The following SLC8B1 variants were observed in gnomAD, a reference collection of about 807,000 sequenced individuals.
The protein encoded by SLC8B1 is mitochondrial sodium/calcium exchanger protein.
SLC8B1 carries 52 observed loss-of-function variants against 63.4 expected under a neutral mutation model. That is an observed-to-expected ratio of 0.82 (90% CI 0.66 to 1.03). The LOEUF (loss-of-function observed/expected upper bound fraction) is 1.03, where lower values mean the gene tolerates loss of function less well. Among genes scored for constraint, SLC8B1 ranks in the 50% least tolerant of loss-of-function variants. SLC8B1 has a pLI of 0.00. For synonymous variants in SLC8B1, 336 were observed against 323.9 expected (o/e 1.04, Z -0.40); for missense variants, 657 against 741.7 (o/e 0.89, Z 1.33).
At chr12:113,306,820 G>A (rs952837866) in intron 13 of SLC8B1, 7 of 539,196 alleles carry the variant, frequency 1.3e-5, no homozygotes, top group Admixed American at 3.1e-5. Flanking sequence ...TGTGAAAAAC[G>A]CGGCTACCAG....
At chr12:113,319,944 C>G (rs1566238003) in intron 7 of SLC8B1, 2 of 191,810 alleles carry the variant, frequency 1.0e-5, no homozygotes, top group South Asian at 1.9e-4. Flanking sequence ...AATGCACCAC[C>G]ACCATGCCCA....
chr12:113,316,225 CAA>C (rs565941837), intron 10 of SLC8B1, among the ~76,000 whole-genome samples: 14 of 130,834 alleles, frequency 1.1e-4, no homozygotes, highest in Non-Finnish European at 1.0e-4. Flanking sequence ...AACTCTGTCT[CAA>C]AAAAAAAAAA....
chr12:113,322,050 T>G (rs1295475578), intron 2 of SLC8B1, among the ~76,000 whole-genome samples: 1 of 151,644 alleles, frequency 6.6e-6, no homozygotes, highest in Non-Finnish European at 1.5e-5. Flanking sequence ...AATAAAAAAT[T>G]AGGTAGGCAT....
intron 15 of SLC8B1, among the ~76,000 whole-genome samples, chr12:113,300,635 C>G (rs1036121357): frequency 6.6e-6 from 1 of 152,224 alleles, no homozygotes; most frequent in Non-Finnish European, 1.5e-5. Context: ...GTTACCCAGA[C>G]GTGGCCCCAG....
At chr12:113,316,760 A>G in intron 9 of SLC8B1, 104 bp from the exon 10 acceptor site, 1 of 1,547,492 alleles carries the variant, frequency 6.5e-7, no homozygotes. Flanking sequence ...AAAGGAGGAG[A>G]CAAAGCCCAG....
chr12:113,311,933 G>T (rs1566230123), intron 11 of SLC8B1, among the ~76,000 whole-genome samples: 1 of 151,924 alleles, frequency 6.6e-6, no homozygotes, highest in Admixed American at 6.6e-5. Context: ...CAGACACCTG[G>T]GCTGGAAGTC....
intron 14 of SLC8B1, among the ~76,000 whole-genome samples, chr12:113,306,127 A>T (rs965895954): frequency 6.7e-6 from 1 of 148,518 alleles, no homozygotes; most frequent in African/African-American, 2.5e-5. Context: ...AAAGTCTGCC[A>T]ACCCTAACAT....
rs986405642 is a variant in SLC8B1 at position 113,317,127 on chromosome 12, T to A, written c.803-126A>T. 21 of 812,638 alleles carry A rather than the reference T, an allele frequency of 2.6e-5. No homozygotes were observed. In the African/African-American group the frequency reaches 3.5e-4, roughly 14 times the overall value. The allele number at this position is 812,638 out of a possible 1,614,324, so 50.3% of individuals were successfully genotyped here. ...ATTTACTTAGTTATTTGGGACAGGA[T>A]CTTTCTCTGTCACCCAGGCTGGAGT... On this transcript the variant is annotated intron_variant, in intron 8 of 15. Transcript: ENST00000680972.
chr12:113,313,670 T>G (rs543213411), intron 11 of SLC8B1, among the ~76,000 whole-genome samples: 1 of 150,376 alleles, frequency 6.6e-6, no homozygotes, highest in East Asian at 2.0e-4. Context: ...ACCCTAGAGG[T>G]GGAGGTTGCA....
intron 2 of SLC8B1, among the ~76,000 whole-genome samples, chr12:113,324,552 G>T (rs1391892973): frequency 6.7e-6 from 1 of 149,504 alleles, no homozygotes; most frequent in Non-Finnish European, 1.5e-5. Flanking sequence ...GACTACAGGT[G>T]CCCACCGACA....
intron 10 of SLC8B1, among the ~76,000 whole-genome samples, chr12:113,316,047 A>G (rs1593248545): frequency 6.6e-6 from 1 of 151,968 alleles, no homozygotes; most frequent in Non-Finnish European, 1.5e-5. Flanking sequence ...ACACGGTGAA[A>G]CCCCGTCTCT....
intron 15 of SLC8B1, 89 bp downstream of exon 15, chr12:113,304,232 C>A: frequency 8.0e-7 from 1 of 1,255,558 alleles, no homozygotes; most frequent in South Asian, 1.2e-5. Context: ...AGTGATGGGA[C>A]CCAGATCCAA....
intron 15 of SLC8B1, 35 bp from the exon 16 acceptor site, chr12:113,300,009 T>C (rs770144873): frequency 1.3e-6 from 2 of 1,599,150 alleles, no homozygotes; most frequent in Admixed American, 1.7e-5. Flanking sequence ...GCTGAGTCAC[T>C]GCCCGTCACA....
intron 14 of SLC8B1, 146 bp downstream of exon 14, chr12:113,306,349 A>T: frequency 1.7e-6 from 1 of 583,200 alleles, no homozygotes; most frequent in Non-Finnish European, 2.9e-6. Flanking sequence ...TCCCTATTTT[A>T]AAGCCTTGGA....
chr12:113,312,714 G>A (rs1437362658), intron 11 of SLC8B1, among the ~76,000 whole-genome samples: 2 of 152,136 alleles, frequency 1.3e-5, no homozygotes, highest in Admixed American at 1.3e-4. Context: ...GCCATGTGGT[G>A]AAGATACTAC....
intron 2 of SLC8B1, among the ~76,000 whole-genome samples, chr12:113,327,706 G>A (rs1242353443): frequency 6.6e-6 from 1 of 150,918 alleles, no homozygotes; most frequent in African/African-American, 2.4e-5. Context: ...AAATAGGCTG[G>A]GCGCGGTGGG....
chr12:113,310,205 C>T lies in SLC8B1; in HGVS notation c.1257+29G>A, dbSNP rs187393591. ...GTGGGAGACATCAGCATCCCTCCCCCCCCATCTCGGAGAACCCGGGCTTCT... is the reference window on the plus strand; with the variant it reads ...GTGGGAGACATCAGCATCCCTCCCCTCCCATCTCGGAGAACCCGGGCTTCT... On this transcript the variant is annotated intron_variant, in intron 12 of 15. Transcript: ENST00000680972. 19 of 1,608,546 alleles carry T rather than the reference C, an allele frequency of 1.2e-5. 1 individual carries two copies. In the East Asian group the frequency reaches 2.9e-4, roughly 25 times the overall value.
chr12:113,318,245 TTG>T (rs752782866), intron 8 of SLC8B1, among the ~76,000 whole-genome samples: 1 of 151,768 alleles, frequency 6.6e-6, no homozygotes, highest in African/African-American at 2.4e-5. Flanking sequence ...TGTGTGTGTG[TTG>T]TGTATTTGTG....
rs763093475 is a variant in SLC8B1 at position 113,319,071 on chromosome 12, C to T, written c.695G>A (p.Gly232Asp). Reference sequence around the variant, plus strand: ...ATAGAACACATACAAGCCCAGGTAACCTGCAGACGGGGTGCACGCCGTCAC... The same window carrying T: ...ATAGAACACATACAAGCCCAGGTAATCTGCAGACGGGGTGCACGCCGTCAC... ...RGRVTLAWAL[G>D]YLGLYVFYVV... The change falls in exon 8 of 16, where the codon GGT (glycine) becomes GAT (aspartate). Residue 232 changes from glycine to aspartate, a missense_variant and splice_region_variant. Gly to Asp is a moderately conservative substitution (Grantham distance 94). Transcript: ENST00000680972. 2 of 1,613,348 alleles carry T rather than the reference C, an allele frequency of 1.2e-6. No individual in the cohort carries two copies. The highest frequency in any genetic ancestry group is 1.1e-5 in the South Asian group (1 of 91,066).
Sources: allele counts gnomAD v4.1 joint callset (sites outside exome capture counted in the v4.1 genomes callset), GRCh38; gene constraint gnomAD v4.1.1; transcripts MANE v1.5; gene names NCBI Gene and HGNC (gene_info 2026-07-23, HGNC 2026-07-21).